The following ADAM22 variants were observed in gnomAD, a reference collection of about 807,000 sequenced individuals.
ADAM22 encodes the protein ADAM metallopeptidase domain 22, also known as disintegrin and metalloproteinase domain-containing protein 22.
In ADAM22, 65 loss-of-function variants were observed where a neutral mutation model predicts 144.6. The ratio of observed to expected loss-of-function variants is 0.45; its 90% CI spans 0.37 to 0.55. ADAM22 has a LOEUF of 0.55. ADAM22 is among the 20% of genes least tolerant of loss of function. The pLI is 0.00. For synonymous variants in ADAM22, 391 were observed against 412.6 expected (o/e 0.95, Z 0.63); for missense variants, 974 against 1,184.9 (o/e 0.82, Z 2.61).
Position 87,994,363 on chromosome 7 carries a change from A to G in ADAM22, c.323+15951A>G, listed in dbSNP as rs113137398. On this transcript the variant is annotated intron_variant, in intron 3 of 31. Coordinates refer to ENST00000413139, the MANE Select transcript of ADAM22 (RefSeq NM_001324418.2). ...TTTTTAGTAGACACGGGGTTTCACC[A>G]TGTTAGCCAGGATGGTCTCGATCTC... Among the ~76,000 whole-genome samples, 1,103 of 152,010 alleles carry G rather than the reference A, an allele frequency of 7.3e-3. 5 individuals are homozygous for G. Among genetic ancestry groups the G allele is most frequent in the African/African-American group, 0.025 (1,048 of 41,486 alleles).
chr7:87,997,908 G>T (rs1202957091), intron 3 of ADAM22, among the ~76,000 whole-genome samples: 1 of 152,194 alleles, frequency 6.6e-6, no homozygotes, highest in Non-Finnish European at 1.5e-5. Context: ...CCCATAGTAG[G>T]CCATCTGCAA....
intron 4 of ADAM22, among the ~76,000 whole-genome samples, chr7:88,078,118 C>G (rs1815221867): frequency 6.6e-6 from 1 of 152,190 alleles, no homozygotes; most frequent in South Asian, 2.1e-4. Context: ...GATGGACTGA[C>G]ACCTCACACA....
chr7:88,100,443 T>G (rs913578212), intron 4 of ADAM22, among the ~76,000 whole-genome samples: 15 of 152,182 alleles, frequency 9.9e-5, no homozygotes, highest in African/African-American at 3.4e-4. Flanking sequence ...GGAAATAATC[T>G]TTTCACTTTT....
chr7:88,160,651 A>T (rs560382866), intron 22 of ADAM22, among the ~76,000 whole-genome samples: 8 of 152,290 alleles, frequency 5.3e-5, no homozygotes, highest in African/African-American at 1.7e-4. Flanking sequence ...TGCTGCTATA[A>T]AGACACATGC....
rs58099116 is a variant in ADAM22, at chr7:88,113,703, A to AATATATATATAT, written c.474-855_474-844dup. On this transcript the variant is annotated intron_variant, in intron 5 of 31. Coordinates refer to ENST00000413139, the MANE Select transcript of ADAM22 (RefSeq NM_001324418.2). ...TATATATATTATAAATAAATAAATA[A>AATATATATATAT]ATATATATATATATATATATATATA... Among the ~76,000 whole-genome samples the AATATATATATAT allele has an allele frequency of 6.9e-3, 332 of 48,036 alleles. 18 individuals are homozygous for AATATATATATAT. The highest frequency in any genetic ancestry group is 9.5e-3 in the Non-Finnish European group (251 of 26,520). 31.5% of individuals were successfully genotyped at this position (48,036 alleles called of 152,430 possible). A position where few individuals can be genotyped will look rare whatever the true frequency, so the allele number is the denominator to read the frequency against.
intron 23 of ADAM22, among the ~76,000 whole-genome samples, chr7:88,163,825 G>C (rs1203785790): frequency 2.0e-5 from 3 of 152,050 alleles, no homozygotes; most frequent in African/African-American, 7.2e-5. Context: ...ATAAAGTTTT[G>C]TCAGTTTCAA....
chr7:88,052,703 A>G (rs957595655), intron 3 of ADAM22, among the ~76,000 whole-genome samples: 5 of 152,086 alleles, frequency 3.3e-5, no homozygotes, highest in African/African-American at 1.2e-4. Context: ...CCTTCCACAC[A>G]CCCATGTGAC....
chr7:88,170,612 C>T (rs537437075), intron 25 of ADAM22, among the ~76,000 whole-genome samples: 12 of 151,974 alleles, frequency 7.9e-5, no homozygotes, highest in Admixed American at 2.0e-4. Context: ...AAATTGGCAC[C>T]TTTGCCGTCA....
intron 31 of ADAM22, among the ~76,000 whole-genome samples, chr7:88,194,280 G>C (rs1850220166): frequency 6.6e-6 from 1 of 152,174 alleles, no homozygotes; most frequent in African/African-American, 2.4e-5. Context: ...TGGGTTATTG[G>C]AGATGTTACC....
intron 3 of ADAM22, among the ~76,000 whole-genome samples, chr7:87,981,389 A>G (rs1853379252): frequency 6.6e-6 from 1 of 152,162 alleles, no homozygotes; most frequent in African/African-American, 2.4e-5. Flanking sequence ...TCTTATTTCA[A>G]TAACAACGAA....
At chr7:87,955,815 G>T (rs1846546583) in intron 2 of ADAM22, among the ~76,000 whole-genome samples, 2 of 152,168 alleles carry the variant, frequency 1.3e-5, no homozygotes, top group Admixed American at 1.3e-4. Context: ...GTTTACCTAA[G>T]CGAGCCTGGG....
At chr7:88,114,697 A>G (rs1827306112) in intron 6 of ADAM22, 50 bp downstream of exon 6, 5 of 1,565,158 alleles carry the variant, frequency 3.2e-6, no homozygotes, top group Non-Finnish European at 3.5e-6. Flanking sequence ...TTATGCTGAG[A>G]GCTTTTTTCC....
chr7:87,972,902 G>A (rs1361608441), intron 2 of ADAM22, among the ~76,000 whole-genome samples: 1 of 152,168 alleles, frequency 6.6e-6, no homozygotes, highest in Non-Finnish European at 1.5e-5. Context: ...GTAGAAAGCT[G>A]AAACTGGATC....
At chr7:87,944,935 GT>G (rs1041647683) in intron 2 of ADAM22, among the ~76,000 whole-genome samples, 13 of 137,828 alleles carry the variant, frequency 9.4e-5, no homozygotes, top group Non-Finnish European at 1.7e-4. Flanking sequence ...ATATGTGTGT[GT>G]TTTTTTCTTT....
chr7:88,160,728 A>G (rs1417708840), intron 22 of ADAM22, among the ~76,000 whole-genome samples: 3 of 152,206 alleles, frequency 2.0e-5, no homozygotes, highest in Non-Finnish European at 4.4e-5. Flanking sequence ...ATGTCCATCA[A>G]TGATAGACTG....
chr7:87,974,165 G>A (rs1287386937), intron 2 of ADAM22, among the ~76,000 whole-genome samples: 30 of 151,070 alleles, frequency 2.0e-4, no homozygotes, highest in Admixed American at 1.8e-3. Flanking sequence ...TTAGCCAGCC[G>A]TGGTGGCGGG....
chr7:88,160,501 C>A (rs544516777), intron 22 of ADAM22, among the ~76,000 whole-genome samples: 4 of 152,138 alleles, frequency 2.6e-5, no homozygotes, highest in African/African-American at 9.6e-5. Flanking sequence ...GGTACTGGTA[C>A]AAAAACAGAT....
At chr7:88,078,233 G>GA (rs759270480) in intron 4 of ADAM22, among the ~76,000 whole-genome samples, 76 of 152,304 alleles carry the variant, frequency 5.0e-4, no homozygotes, top group Middle Eastern at 3.4e-3. Flanking sequence ...TGATACCCAG[G>GA]CAAACAGGGT....
intron 3 of ADAM22, among the ~76,000 whole-genome samples, chr7:88,053,201 G>A (rs1232744549): frequency 2.0e-5 from 3 of 151,794 alleles, no homozygotes; most frequent in South Asian, 2.1e-4. Flanking sequence ...TGTATTTTTT[G>A]TATGCAGATG....
Sources: gnomAD v4.1 joint callset for allele counts (sites outside exome capture counted in the v4.1 genomes callset) on GRCh38, gnomAD v4.1.1 for gene constraint, MANE v1.5 for transcripts, NCBI Gene and HGNC (gene_info 2026-07-23, HGNC 2026-07-21) for gene names.